SCN1A: variants seen among roughly 807,000 people sequenced by gnomAD.
SCN1A encodes sodium channel protein type 1 subunit alpha.
A neutral mutation model predicts 193.7 loss-of-function variants in SCN1A; 13 were observed. The observed-to-expected ratio is 0.07, with a 90% CI of 0.04 to 0.11. SCN1A has a LOEUF of 0.11. Among genes scored for constraint, SCN1A ranks in the 10% least tolerant of loss-of-function variants. The pLI is 1.00. For synonymous variants in SCN1A, 781 were observed against 843.6 expected, an observed-to-expected ratio of 0.93 and a Z score of 1.29; for missense variants, 1,432 against 2,451.1, an observed-to-expected ratio of 0.58 and a Z score of 8.78.
At chr2:165,985,030 C>T (rs1333448126), downstream of SCN1A, 2 of 151,920 alleles carry the variant, frequency 1.3e-5, no homozygotes, top group Admixed American at 6.6e-5. Context: ...AGAAACTAAC[C>T]TTTAAAAATA....
Position 166,013,834 on chromosome 2 carries a change from C to A in SCN1A, c.3615G>T (p.Trp1205Cys). 6.2e-7 allele frequency: 1 copy of A among 1,612,482 alleles called. No homozygotes were observed. The highest frequency in any genetic ancestry group is 8.5e-7 in the Non-Finnish European group (1 of 1,178,812). The change falls in exon 21 of 29, where the codon TGG becomes TGT. Residue 1205 changes from tryptophan to cysteine, a missense_variant. Physicochemically the swap from Trp to Cys is radical, Grantham distance 215. Transcript: ENST00000674923. Reference protein sequence around the residue: ...NVEEGRGKQWWNLRRTCFRIV... With the variant: ...NVEEGRGKQWCNLRRTCFRIV... ...TTCGGAAACACGTCCTTCTCAGGTT[C>A]CACCATTGTTTTCCTCTGCCTTCTT...
At position 166,052,836 on chromosome 2, in the gene SCN1A, C is replaced by A; in HGVS notation, c.694+16G>T. 2 of 1,599,556 alleles carry A rather than the reference C, an allele frequency of 1.3e-6. No homozygotes were observed. The highest frequency in any genetic ancestry group is 1.7e-6 in the Non-Finnish European group (2 of 1,167,680). On this transcript the variant is annotated intron_variant, in intron 8 of 28. Transcript: ENST00000674923. ...TCACATGATGGGTCCGTCTCATTAT[C>A]TAACCTTGCTCTCACCTGGAATGAC...
Position 165,991,911 on chromosome 2 carries a change from G to T in SCN1A, c.5364C>A (p.Asn1788Lys), listed in dbSNP as rs1381184010. The T allele has an allele frequency of 5.6e-6, 9 of 1,613,826 alleles. No individual in the cohort carries two copies. The highest frequency in any genetic ancestry group is 7.6e-6 in the Non-Finnish European group (9 of 1,179,956). ...VNMYIAVILE[N>K]FSVATEESAE... ...CACTTTCTTCAGTAGCAACACTGAA[G>T]TTCTCCAGGATGACCGCGATGTACA... The change falls in exon 29 of 29, where the codon AAC (asparagine) becomes AAA (lysine). Residue 1788 changes from asparagine (N) to lysine (K), a missense_variant. Transcript: ENST00000674923.
intron 2 of SCN1A, among the ~76,000 whole-genome samples, chr2:166,107,228 TGAC>T (rs1688791256): frequency 6.6e-6 from 1 of 152,190 alleles, no homozygotes; most frequent in South Asian, 2.1e-4. Flanking sequence ...TGGTGTTACT[TGAC>T]GACTGACTTC....
At chr2:166,108,940 C>T (rs1688997261) in intron 2 of SCN1A, among the ~76,000 whole-genome samples, 1 of 152,120 alleles carries the variant, frequency 6.6e-6, no homozygotes, top group East Asian at 1.9e-4. Flanking sequence ...GCTAAAACTA[C>T]AATGATAATC....
At chr2:166,133,648 T>C (rs1035942595) in intron 1 of SCN1A, among the ~76,000 whole-genome samples, 1 of 152,206 alleles carries the variant, frequency 6.6e-6, no homozygotes. Context: ...TTTGGGGGCC[T>C]GGTTTATTTT....
intron 26 of SCN1A, among the ~76,000 whole-genome samples, chr2:165,996,647 A>G (rs1690099425): frequency 6.6e-6 from 1 of 151,482 alleles, no homozygotes; most frequent in African/African-American, 2.4e-5. Context: ...ATCAGAGCTC[A>G]TAGCATAGTA....
chr2:166,148,384 G>C (rs1422612152), intron 1 of SCN1A, among the ~76,000 whole-genome samples: 2 of 152,110 alleles, frequency 1.3e-5, no homozygotes, highest in Admixed American at 6.6e-5. Flanking sequence ...CAGAATCAGC[G>C]CTATATTGTT....
chr2:166,137,640 G>A (rs1042126598), intron 1 of SCN1A: 1 of 152,302 alleles, frequency 6.6e-6, no homozygotes, highest in African/African-American at 2.4e-5. Flanking sequence ...GGAACTGTAA[G>A]TTCAATAAAC....
intron 2 of SCN1A, among the ~76,000 whole-genome samples, chr2:166,117,970 AAAATTTTTTTTT>A (rs1690057041): frequency 1.3e-5 from 2 of 149,096 alleles, no homozygotes; most frequent in Non-Finnish European, 3.0e-5. Flanking sequence ...CTCAAAAAAA[AAAATTTTTTTTT>A]TGATTTTTTG....
Position 165,992,049 on chromosome 2 carries a change from G to T in SCN1A, c.5226C>A (p.Asp1742Glu), listed in dbSNP as rs1283230400. 3 of 1,613,968 alleles carry T rather than the reference G, an allele frequency of 1.9e-6. No homozygotes were observed. The highest frequency in any genetic ancestry group is 2.5e-6 in the Non-Finnish European group (3 of 1,179,952). The change falls in exon 29 of 29, where the codon GAC becomes GAA. Residue 1742 changes from aspartate (D) to glutamate (E), a missense_variant. Around this residue, in one of 18 missense-constraint regions of SCN1A, gnomAD observed 85 missense variants for 213.2 expected, o/e 0.40. Coordinates refer to ENST00000674923, the MANE Select transcript of SCN1A (RefSeq NM_001165963.4). The surrounding 1 kb of genome is among the most constrained non-coding windows in gnomAD (Gnocchi z 6.5). Reference sequence around the variant, plus strand: ...AGCTTCCAGGGTTAACTTTATTAGGGTCACAGTCGGGTGGCTTACTGTTGA... The same window carrying T: ...AGCTTCCAGGGTTAACTTTATTAGGTTCACAGTCGGGTGGCTTACTGTTGA... Reference protein sequence around the residue: ...PILNSKPPDCDPNKVNPGSSV... With the variant: ...PILNSKPPDCEPNKVNPGSSV...
At chr2:165,996,431 A>G (rs1404044479) in intron 26 of SCN1A, 1 of 265,840 alleles carries the variant, frequency 3.8e-6, no homozygotes, top group African/African-American at 2.3e-5. Flanking sequence ...TGAGATAATA[A>G]ATACTTGGTA....
chr2:166,045,050 G>T lies in SCN1A; in HGVS notation c.1655C>A (p.Pro552Gln). 1 of 1,614,036 alleles carries T rather than the reference G, an allele frequency of 6.2e-7. No homozygotes were observed. The highest frequency in any genetic ancestry group is 8.5e-7 in the Non-Finnish European group (1 of 1,179,940). ...AACTCAGCAGTGCCATACCTGGTGT[G>T]GGGAGGAGTACCTCTTTTCATATGT... ...RLTYEKRYSS[P>Q]HQSLLSIRGS... The change falls in exon 13 of 29, where the codon CCA becomes CAA. Residue 552 changes from proline to glutamine, a missense_variant. Physicochemically the swap from Pro to Gln is moderately conservative, Grantham distance 76. This residue lies in a region of SCN1A where 316 missense variants were observed against 362.1 expected (regional missense o/e 0.87). Coordinates refer to ENST00000674923, the MANE Select transcript of SCN1A (RefSeq NM_001165963.4).
intron 19 of SCN1A, chr2:166,027,234 G>C (rs896055345): frequency 6.6e-6 from 1 of 152,162 alleles, no homozygotes; most frequent in South Asian, 2.1e-4. Context: ...CTGATGGTAA[G>C]AGCAGTTTTC....
At chr2:166,038,487 C>T (rs367844343) in intron 17 of SCN1A, among the ~76,000 whole-genome samples, 49 of 152,034 alleles carry the variant, frequency 3.2e-4, no homozygotes, top group African/African-American at 1.1e-3. Flanking sequence ...ACTACAGGCA[C>T]GTGCCACCAC....
rs1259799368 is a variant in SCN1A at position 166,020,457 on chromosome 2, G to A, written c.3430-4730C>T. Among the ~76,000 whole-genome samples, 5 of 152,230 alleles carry A rather than the reference G, an allele frequency of 3.3e-5. No homozygotes were observed. In the East Asian group the frequency reaches 5.8e-4, roughly 18 times the overall value. On this transcript the variant is annotated intron_variant, in intron 19 of 28. Transcript: ENST00000674923. ...TTGATGTGCAAAAATTGCTCAGGTCGTTGGCTACTGCCTAGGATATCTGCA... is the reference window on the plus strand; with the variant it reads ...TTGATGTGCAAAAATTGCTCAGGTCATTGGCTACTGCCTAGGATATCTGCA...
chr2:166,110,703 C>T (rs150988290), intron 2 of SCN1A, among the ~76,000 whole-genome samples: 1,842 of 152,218 alleles, frequency 0.012, 34 homozygotes, highest in Middle Eastern at 0.041. Context: ...TCCAGAAGAT[C>T]TAGCTAAGAT....
intron 2 of SCN1A, among the ~76,000 whole-genome samples, chr2:166,095,279 G>C (rs1687254509): frequency 6.6e-6 from 1 of 151,944 alleles, no homozygotes; most frequent in Non-Finnish European, 1.5e-5. Context: ...TTCCTCTTTT[G>C]CTCCCTTCTA....
intron 24 of SCN1A, chr2:166,000,107 A>G (rs1404147533): frequency 1.5e-5 from 5 of 340,136 alleles, no homozygotes; most frequent in Non-Finnish European, 2.8e-5. Context: ...ACAAATGCCA[A>G]CACATGGGTC....
Sources: allele counts gnomAD v4.1 joint callset (sites outside exome capture counted in the v4.1 genomes callset), GRCh38; gene constraint gnomAD v4.1.1; regional missense constraint gnomAD v4.1.1; non-coding constraint Gnocchi (gnomAD v3.1); transcripts MANE v1.5; gene names NCBI Gene and HGNC (gene_info 2026-07-23, HGNC 2026-07-21).